PCDHGA11: variants seen among roughly 807,000 people sequenced by gnomAD.
PCDHGA11 encodes the protein protocadherin gamma subfamily A, 11.
A neutral mutation model predicts 60.4 loss-of-function variants in PCDHGA11; 39 were observed. That is an observed-to-expected ratio of 0.65 (90% CI 0.50 to 0.84). The LOEUF is 0.84. PCDHGA11 is among the 40% of genes least tolerant of loss of function. The pLI, the probability that PCDHGA11 is intolerant of heterozygous loss-of-function variation, is 0.00. For missense variants in PCDHGA11, 1,165 were observed against 1,197.7 expected, an observed-to-expected ratio of 0.97 and a Z score of 0.40; for synonymous variants, 533 against 510.3, an observed-to-expected ratio of 1.04 and a Z score of -0.60.
At chr5:141,428,293 C>G (rs1278634119) in intron 1 of PCDHGA11, 1 of 716,436 alleles carries the variant, frequency 1.4e-6, no homozygotes, top group South Asian at 1.6e-5. Flanking sequence ...AGCAAAGCTG[C>G]AGATTTACCT....
intron 1 of PCDHGA11, among the ~76,000 whole-genome samples, chr5:141,447,405 T>C (rs1045202682): frequency 6.6e-6 from 1 of 152,068 alleles, no homozygotes; most frequent in Non-Finnish European, 1.5e-5. Context: ...CCCAAAGTGC[T>C]GGGATTACAG....
At chr5:141,481,077 G>A (rs1251064585) in intron 1 of PCDHGA11, among the ~76,000 whole-genome samples, 5 of 151,906 alleles carry the variant, frequency 3.3e-5, no homozygotes, top group Non-Finnish European at 7.4e-5. Context: ...AAGAAAGAAA[G>A]AAAAAAGAAA....
intron 1 of PCDHGA11, among the ~76,000 whole-genome samples, chr5:141,437,076 A>G (rs1018228245): frequency 6.6e-6 from 1 of 152,236 alleles, no homozygotes; most frequent in African/African-American, 2.4e-5. Flanking sequence ...TTTGGGCCAT[A>G]TAAGAATTGA....
At chr5:141,462,415 C>G (rs998182982) in intron 1 of PCDHGA11, among the ~76,000 whole-genome samples, 2 of 152,092 alleles carry the variant, frequency 1.3e-5, no homozygotes, top group Non-Finnish European at 2.9e-5. Context: ...AGAATATGGT[C>G]TATCTTGGTG....
Position 141,489,560 on chromosome 5 carries a change from A to C in PCDHGA11, c.2434-5247A>C, listed in dbSNP as rs749076412. On this transcript the variant is annotated intron_variant, in intron 1 of 3. Coordinates refer to ENST00000398587, the MANE Select transcript of PCDHGA11 (RefSeq NM_018914.3). This position sits in a 1 kb window ranked among gnomAD's most constrained non-coding sequence, Gnocchi z 4.5. Reference sequence around the variant, plus strand: ...AGCACCAGCTGCCTGCTGCCAGTGCAGGTGGTGACTGAACACCCCCTGGAG... The same window carrying C: ...AGCACCAGCTGCCTGCTGCCAGTGCCGGTGGTGACTGAACACCCCCTGGAG... 2 of 1,614,142 alleles carry C rather than the reference A, an allele frequency of 1.2e-6. No individual in the cohort carries two copies. Among genetic ancestry groups the C allele is most frequent in the Admixed American group, 3.3e-5 (2 of 60,024 alleles).
intron 2 of PCDHGA11, among the ~76,000 whole-genome samples, chr5:141,496,582 G>A (rs991035985): frequency 1.9e-4 from 29 of 152,100 alleles, no homozygotes; most frequent in Non-Finnish European, 3.5e-4. Flanking sequence ...TTTTAGGAAC[G>A]CAAAGCGCTT....
chr5:141,506,246 C>T (rs1049014492), intron 3 of PCDHGA11, among the ~76,000 whole-genome samples: 3 of 151,958 alleles, frequency 2.0e-5, no homozygotes, highest in South Asian at 4.2e-4. Context: ...GTCAGGAGTT[C>T]GAAACCGGCC....
At chr5:141,467,167 C>T (rs2099138606) in intron 1 of PCDHGA11, among the ~76,000 whole-genome samples, 1 of 151,832 alleles carries the variant, frequency 6.6e-6, no homozygotes, top group Non-Finnish European at 1.5e-5. Context: ...ATTCTCATCT[C>T]TCAGCCTCCC....
intron 1 of PCDHGA11, among the ~76,000 whole-genome samples, chr5:141,457,873 G>C (rs967389295): frequency 2.0e-5 from 3 of 152,200 alleles, no homozygotes; most frequent in Non-Finnish European, 4.4e-5. Context: ...CCACAGGTTA[G>C]GAACCCTGTG....
chr5:141,459,529 G>A (rs1201996126), intron 1 of PCDHGA11, among the ~76,000 whole-genome samples: 2 of 152,134 alleles, frequency 1.3e-5, no homozygotes, highest in African/African-American at 2.4e-5. Context: ...ATTTTTGTAG[G>A]CATATTTTTT....
At chr5:141,444,188 T>TTTTTTTTTTG (rs2098424052) in intron 1 of PCDHGA11, among the ~76,000 whole-genome samples, 1 of 129,374 alleles carries the variant, frequency 7.7e-6, no homozygotes, top group African/African-American at 3.1e-5. Flanking sequence ...TTTTTTTTTT[T>TTTTTTTTTTG]GAGATGGAGT....
chr5:141,504,379 G>T (rs181617363), intron 2 of PCDHGA11, among the ~76,000 whole-genome samples: 1 of 152,088 alleles, frequency 6.6e-6, no homozygotes, highest in African/African-American at 2.4e-5. Context: ...AGGTGGAGTC[G>T]CTGCCTCACA....
Position 141,476,340 on chromosome 5 carries a change from G to A in PCDHGA11, c.2434-18467G>A, listed in dbSNP as rs760616287. The A allele has an allele frequency of 2.2e-5, 36 of 1,614,068 alleles. No homozygotes were observed. In the Admixed American group the frequency reaches 2.5e-4, roughly 11 times the overall value. On this transcript the variant is annotated intron_variant, in intron 1 of 3. Transcript: ENST00000398587. The surrounding 1 kb of genome is among the most constrained non-coding windows in gnomAD (Gnocchi z 7.6). The stretch of plus-strand genomic sequence containing the variant: ...CGGGTGGTGTCTGGAGCTAGCCGAA[G>A]ATTCTTTGAGGTGAACCGGGAGACC...
rs1562131721 is a variant in PCDHGA11, at chr5:141,489,636, C to CGAGA, written c.2434-5171_2434-5170insGAGA. 10 of 1,614,074 alleles carry CGAGA rather than the reference C, an allele frequency of 6.2e-6. No individual in the cohort carries two copies. The highest frequency in any genetic ancestry group is 2.7e-5 in the African/African-American group (2 of 74,930). On this transcript the variant is annotated intron_variant, in intron 1 of 3. Coordinates refer to ENST00000398587, the MANE Select transcript of PCDHGA11 (RefSeq NM_018914.3). This position sits in a 1 kb window ranked among gnomAD's most constrained non-coding sequence, Gnocchi z 4.5. ...TGGATCTCAATGACAACTCTCCTAG[C>CGAGA]TTTGCCACCCCTGAGCGAGAGATGC...
At chr5:141,460,741 A>G (rs1378900827) in intron 1 of PCDHGA11, among the ~76,000 whole-genome samples, 1 of 152,128 alleles carries the variant, frequency 6.6e-6, no homozygotes, top group Non-Finnish European at 1.5e-5. Flanking sequence ...CACATTGTAT[A>G]TATATGTGTA....
At position 141,480,148 on chromosome 5, in the gene PCDHGA11, G is replaced by C. The variant is rs139861128; in HGVS notation, c.2434-14659G>C. On this transcript the variant is annotated intron_variant, in intron 1 of 3. Transcript: ENST00000398587. ...ATAACTGTTAAACAATTATTAGCCA[G>C]CTCCTAGCATTTTGGGAGGCTGAGG... 9.2e-4 allele frequency among the ~76,000 whole-genome samples: 140 copies of C among 152,036 alleles called. 1 individual carries two copies. The highest frequency in any genetic ancestry group is 3.1e-3 in the African/African-American group (127 of 41,470).
In PCDHGA11 at chr5:141,427,541, C is replaced by G. The variant is rs541988301; in HGVS notation, c.2433+3881C>G. ...AGCGGATCCCGGAGTACAACGTCACCATCACTGCCACTGACAAGGGCAAGC... is the reference window on the plus strand; with the variant it reads ...AGCGGATCCCGGAGTACAACGTCACGATCACTGCCACTGACAAGGGCAAGC... On this transcript the variant is annotated intron_variant, in intron 1 of 3. Coordinates refer to ENST00000398587, the MANE Select transcript of PCDHGA11 (RefSeq NM_018914.3). 3.1e-5 allele frequency: 20 copies of G among 635,320 alleles called. No individual in the cohort carries two copies. The African/African-American group carries it at 3.6e-4, about 11-fold the overall frequency. The allele number at this position is 635,320 out of a possible 1,614,324, so 39.4% of individuals were successfully genotyped here.
At chr5:141,466,624 G>C (rs1279938026) in intron 1 of PCDHGA11, among the ~76,000 whole-genome samples, 1 of 152,038 alleles carries the variant, frequency 6.6e-6, no homozygotes, top group Non-Finnish European at 1.5e-5. Context: ...GTTTTCTTTG[G>C]AGCATTGTCT....
Position 141,431,132 on chromosome 5 carries a change from G to A in PCDHGA11, c.2433+7472G>A. On this transcript the variant is annotated intron_variant, in intron 1 of 3. Coordinates refer to ENST00000398587, the MANE Select transcript of PCDHGA11 (RefSeq NM_018914.3). This position sits in a 1 kb window ranked among gnomAD's most constrained non-coding sequence, Gnocchi z 4.8. ...ATATGGAGTAGAAGTAGAAGTAAGGGACATTAACGACAATGCGCCTTACTT... is the reference window on the plus strand; with the variant it reads ...ATATGGAGTAGAAGTAGAAGTAAGGAACATTAACGACAATGCGCCTTACTT... 2 of 1,614,232 alleles carry A rather than the reference G, an allele frequency of 1.2e-6. No individual in the cohort carries two copies. The highest frequency in any genetic ancestry group is 8.5e-7 in the Non-Finnish European group (1 of 1,180,024).
Sources: gnomAD v4.1 joint callset for allele counts (sites outside exome capture counted in the v4.1 genomes callset) on GRCh38, gnomAD v4.1.1 for gene constraint, Gnocchi (gnomAD v3.1) non-coding constraint, MANE v1.5 for transcripts, NCBI Gene and HGNC (gene_info 2026-07-23, HGNC 2026-07-21) for gene names.